Variants in TLCD4 observed in about 807,000 individuals in gnomAD.
TLCD4 encodes TLC domain containing 4, also known as TLC domain-containing protein 4.
Under a neutral mutation model 24.2 loss-of-function variants are expected in TLCD4, and 7 were observed. The observed-to-expected ratio is 0.29, with a 90% CI of 0.16 to 0.54. TLCD4 has a LOEUF of 0.54. Ranked by LOEUF, TLCD4 falls within the 20% of genes least tolerant of loss-of-function variation. The pLI, the probability that TLCD4 is intolerant of heterozygous loss-of-function variation, is 0.95. For synonymous variants in TLCD4, 103 were observed against 106.4 expected (o/e 0.97, Z 0.20); for missense variants, 259 against 313.9 (o/e 0.82, Z 1.32).
intron 2 of TLCD4, among the ~76,000 whole-genome samples, chr1:95,147,688 G>T (rs1677388796): frequency 1.3e-5 from 2 of 152,082 alleles, no homozygotes; most frequent in Admixed American, 6.5e-5. Context: ...GGATCATATT[G>T]TAGAGAAAAA....
At chr1:95,099,213 A>C in the TLCD4 span, among the ~76,000 whole-genome samples, 4 of 152,070 alleles carry the variant, frequency 2.6e-5, no homozygotes, top group African/African-American at 9.7e-5. Context: ...AAATCACTTG[A>C]GTCCAGAAGT....
chr1:95,196,145 G>A lies in TLCD4; in HGVS notation c.*4277G>A, dbSNP rs1018100857. ...CATGAGGCAAAGCTAATAATGTTAT[G>A]GTTTTATTAAGAGATCTGTCATCTC... On this transcript the variant is annotated 3_prime_UTR_variant, in exon 7 of 7. Coordinates refer to ENST00000370203, the MANE Select transcript of TLCD4 (RefSeq NM_152487.3). The A allele has an allele frequency of 6.6e-6, 1 of 152,182 alleles. No homozygotes were observed. The highest frequency in any genetic ancestry group is 2.4e-5 in the African/African-American group (1 of 41,454). 9.4% of individuals were successfully genotyped at this position (152,182 alleles called of 1,614,324 possible).
chr1:95,183,505 G>T (rs1678718870), intron 6 of TLCD4, among the ~76,000 whole-genome samples: 1 of 152,162 alleles, frequency 6.6e-6, no homozygotes. Flanking sequence ...TTTAACCTGT[G>T]AGAAAAGATA....
chr1:95,100,569 T>C, the TLCD4 span, among the ~76,000 whole-genome samples: 1 of 152,144 alleles, frequency 6.6e-6, no homozygotes, highest in Non-Finnish European at 1.5e-5. Context: ...AGTGAGACTC[T>C]GTCTCAAAAA....
intron 1 of TLCD4, among the ~76,000 whole-genome samples, chr1:95,122,791 CTT>C (rs1310181651): frequency 6.6e-6 from 1 of 152,126 alleles, no homozygotes; most frequent in Non-Finnish European, 1.5e-5. Context: ...CCTGGAGAAA[CTT>C]TCTTGGTCAA....
intron 6 of TLCD4, among the ~76,000 whole-genome samples, chr1:95,174,507 CAAAAAAA>C (rs141819142): frequency 2.3e-5 from 2 of 85,882 alleles, no homozygotes; most frequent in African/African-American, 5.3e-5. Context: ...CCCATCCCTA[CAAAAAAA>C]AAAAAAAAAA....
chr1:95,186,721 A>G (rs1678842453), intron 6 of TLCD4, among the ~76,000 whole-genome samples: 1 of 152,176 alleles, frequency 6.6e-6, no homozygotes, highest in South Asian at 2.1e-4. Context: ...TGTGGATGTC[A>G]TTGCTTTAGT....
At chr1:95,107,917 GGCTGTC>G in the TLCD4 span, among the ~76,000 whole-genome samples, 1 of 152,150 alleles carries the variant, frequency 6.6e-6, no homozygotes, top group Admixed American at 6.5e-5. Context: ...AATCTGAAGA[GGCTGTC>G]GTGAGAGATG....
At chr1:95,184,352 C>CT (rs11322991) in intron 6 of TLCD4, among the ~76,000 whole-genome samples, 2 of 150,676 alleles carry the variant, frequency 1.3e-5, no homozygotes, top group South Asian at 2.1e-4. Flanking sequence ...TCTTTTCTCA[C>CT]TTTTTTTTTT....
chr1:95,127,379 T>C, intron 1 of TLCD4, among the ~76,000 whole-genome samples: 1 of 152,278 alleles, frequency 6.6e-6, no homozygotes, highest in East Asian at 1.9e-4. Flanking sequence ...ATGAGATCCA[T>C]GATTTGGAGG....
the TLCD4 span, among the ~76,000 whole-genome samples, chr1:95,106,014 C>A: frequency 6.6e-6 from 1 of 151,764 alleles, no homozygotes; most frequent in Admixed American, 6.6e-5. Flanking sequence ...TTCTGTGGGA[C>A]GAGGAGGAAG....
intron 6 of TLCD4, among the ~76,000 whole-genome samples, chr1:95,174,779 A>G (rs1347013804): frequency 1.3e-5 from 2 of 152,076 alleles, no homozygotes; most frequent in Non-Finnish European, 2.9e-5. Context: ...TCACTAGTGA[A>G]TTATTATTAT....
intron 1 of TLCD4, among the ~76,000 whole-genome samples, chr1:95,142,806 C>T (rs1250357668): frequency 6.6e-6 from 1 of 152,090 alleles, no homozygotes; most frequent in African/African-American, 2.4e-5. Flanking sequence ...AAAAATTAAC[C>T]GAGTGTGGTG....
rs745444437 is a variant in TLCD4 at position 95,143,161 on chromosome 1, G to A, written c.-11-730G>A. On this transcript the variant is annotated intron_variant, in intron 1 of 6. Coordinates refer to ENST00000370203, the MANE Select transcript of TLCD4 (RefSeq NM_152487.3). ...CTTTCAGTTTTCCATTTGCCACTCA[G>A]AAAAGTGAGGGAGGGGTTTTCAAAG... Among the ~76,000 whole-genome samples the A allele has an allele frequency of 8.5e-4, 130 of 152,276 alleles. 1 individual carries two copies. The Middle Eastern group carries it at 0.01, about 12-fold the overall frequency.
chr1:95,132,824 G>A (rs966641492), intron 1 of TLCD4, among the ~76,000 whole-genome samples: 1 of 152,120 alleles, frequency 6.6e-6, no homozygotes, highest in Non-Finnish European at 1.5e-5. Flanking sequence ...AGGAAGTGTG[G>A]TGTTATGGAA....
intron 3 of TLCD4, among the ~76,000 whole-genome samples, 170 bp from the exon 4 acceptor site, chr1:95,150,038 A>C (rs924972853): frequency 2.0e-5 from 3 of 152,176 alleles, no homozygotes; most frequent in Non-Finnish European, 2.9e-5. Context: ...GATGCGTCAC[A>C]GTTTGGCTAA....
chr1:95,115,138 G>T (rs190232448), upstream of TLCD4, among the ~76,000 whole-genome samples: 1 of 146,812 alleles, frequency 6.8e-6, no homozygotes, highest in South Asian at 2.2e-4. Flanking sequence ...ACAGAGTTTC[G>T]CTCTTATTGC....
At chr1:95,185,096 T>G (rs1390081436) in intron 6 of TLCD4, among the ~76,000 whole-genome samples, 2 of 152,114 alleles carry the variant, frequency 1.3e-5, no homozygotes, top group African/African-American at 2.4e-5. Context: ...CTGACTAATT[T>G]CTTTTGTAGA....
chr1:95,141,678 C>T (rs1235651115), intron 1 of TLCD4, among the ~76,000 whole-genome samples: 2 of 151,878 alleles, frequency 1.3e-5, no homozygotes, highest in African/African-American at 4.8e-5. Flanking sequence ...TAAAAGACCA[C>T]AAATTAAAAT....
Sources: gnomAD v4.1 joint callset for allele counts (sites outside exome capture counted in the v4.1 genomes callset) on GRCh38, gnomAD v4.1.1 for gene constraint, MANE v1.5 for transcripts, NCBI Gene and HGNC (gene_info 2026-07-23, HGNC 2026-07-21) for gene names.